Variants in TMC1 observed in about 807,000 individuals in gnomAD.
TMC1 encodes the protein transmembrane channel-like protein 1.
TMC1 carries 84 observed loss-of-function variants against 105.8 expected under a neutral mutation model. The observed-to-expected ratio is 0.79, with a 90% CI of 0.67 to 0.95. The LOEUF (loss-of-function observed/expected upper bound fraction) is 0.95. Ranked by LOEUF, TMC1 falls within the 40% of genes least tolerant of loss-of-function variation. TMC1 has a pLI of 0.00. For synonymous variants in TMC1, 315 were observed against 311.5 expected, an observed-to-expected ratio of 1.01 and a Z score of -0.12; for missense variants, 817 against 914.1, an observed-to-expected ratio of 0.89 and a Z score of 1.37.
Position 72,700,517 on chromosome 9 carries a change from GAGA to G in TMC1, c.247_249del (p.Glu83del), listed in dbSNP as rs376040866. 0.012 allele frequency: 18,914 copies of G among 1,588,288 alleles called. 157 individuals carry two copies. Among genetic ancestry groups the G allele is most frequent in the Middle Eastern group, 0.054 (320 of 5,912 alleles). On this transcript the variant is annotated inframe_deletion and splice_region_variant, in exon 8 of 24. Coordinates refer to ENST00000297784, the MANE Select transcript of TMC1 (RefSeq NM_138691.3). ...AAGGTGTTTCTTTTTTACTTTTAAA[GAGA>G]AGAAGAAGAAATTGATGAAGAGGAA...
chr9:72,789,842 C>T (rs947779876), intron 15 of TMC1, among the ~76,000 whole-genome samples: 4 of 152,162 alleles, frequency 2.6e-5, no homozygotes, highest in Non-Finnish European at 5.9e-5. Flanking sequence ...CATGTCTGGG[C>T]TTCCCTCTGT....
Position 72,805,447 on chromosome 9 carries a change from T to G in TMC1, c.1632T>G (p.Phe544Leu), listed in dbSNP as rs772378812. ...ACGTCACAATCCTCATTGGGGACTT[T>G]CTAAGGGCATGTTTTGTGAGGTTTT... is the stretch of plus-strand genomic sequence containing the variant. The part of the protein sequence containing the change: ...TTYVTILIGD[F>L]LRACFVRFCN... Residue 544 changes from phenylalanine to leucine, a missense_variant, in exon 18 of 24, where the codon TTT (phenylalanine) becomes TTG (leucine). By Grantham distance (22) the Phe-to-Leu change is conservative. Coordinates refer to ENST00000297784, the MANE Select transcript of TMC1 (RefSeq NM_138691.3). 6.2e-7 allele frequency: 1 copy of G among 1,614,066 alleles called. No individual in the cohort carries two copies. The highest frequency in any genetic ancestry group is 1.1e-5 in the South Asian group (1 of 91,078).
chr9:72,649,553 A>G (rs1409881796), intron 5 of TMC1, among the ~76,000 whole-genome samples: 1 of 152,144 alleles, frequency 6.6e-6, no homozygotes, highest in Non-Finnish European at 1.5e-5. Context: ...GCAGTACCCT[A>G]TTTAATATGC....
At chr9:72,672,651 A>G (rs1826140945) in intron 5 of TMC1, among the ~76,000 whole-genome samples, 1 of 152,124 alleles carries the variant, frequency 6.6e-6, no homozygotes, top group Non-Finnish European at 1.5e-5. Context: ...CCTTTTTCTG[A>G]ATAATTGATA....
intron 5 of TMC1, among the ~76,000 whole-genome samples, chr9:72,681,188 G>A (rs1038169458): frequency 6.6e-5 from 10 of 152,088 alleles, no homozygotes; most frequent in Non-Finnish European, 1.3e-4. Context: ...CTTATTTACA[G>A]TGGTTGCCCT....
In TMC1 at chr9:72,806,512, C is replaced by T. The variant is rs1377815351; in HGVS notation, c.1695+1002C>T. Among the ~76,000 whole-genome samples, 91 of 147,938 alleles carry T rather than the reference C, an allele frequency of 6.2e-4. 2 individuals carry two copies. The highest frequency in any genetic ancestry group is 1.9e-3 in the African/African-American group (74 of 39,358). The stretch of plus-strand genomic sequence containing the variant: ...GCTCCTCATTTCTCAGACGGGGCGG[C>T]TGCCGGGCGGAGGGGCTCCTCACTT... On this transcript the variant is annotated intron_variant, in intron 18 of 23. Transcript: ENST00000297784.
At chr9:72,730,193 A>T (rs901542429) in intron 8 of TMC1, among the ~76,000 whole-genome samples, 1 of 152,162 alleles carries the variant, frequency 6.6e-6, no homozygotes, top group Non-Finnish European at 1.5e-5. Flanking sequence ...TCTAGACAGA[A>T]AGGTAGAGAA....
intron 18 of TMC1, among the ~76,000 whole-genome samples, chr9:72,812,446 A>G (rs1200861503): frequency 1.3e-5 from 2 of 152,228 alleles, no homozygotes; most frequent in African/African-American, 4.8e-5. Context: ...ACAGGATCCT[A>G]TTCTCAACTA....
At chr9:72,795,437 C>T (rs1435120205) in intron 17 of TMC1, among the ~76,000 whole-genome samples, 1 of 152,164 alleles carries the variant, frequency 6.6e-6, no homozygotes, top group African/African-American at 2.4e-5. Context: ...ATTAGGCTAA[C>T]AGCAGATGTC....
intron 12 of TMC1, among the ~76,000 whole-genome samples, chr9:72,755,743 G>C (rs1827667766): frequency 6.6e-6 from 1 of 152,156 alleles, no homozygotes; most frequent in African/African-American, 2.4e-5. Context: ...TAGACAATGA[G>C]AATAAAATTT....
chr9:72,578,611 A>C (rs1824427353), intron 2 of TMC1, among the ~76,000 whole-genome samples: 1 of 152,102 alleles, frequency 6.6e-6, no homozygotes, highest in Non-Finnish European at 1.5e-5. Flanking sequence ...TTTTCTATGG[A>C]GTGTGTGTGC....
chr9:72,540,048 G>A (rs1823648174), intron 1 of TMC1, among the ~76,000 whole-genome samples: 1 of 151,972 alleles, frequency 6.6e-6, no homozygotes. Flanking sequence ...TTTAACAGAG[G>A]TACAGGCTTT....
At chr9:72,560,255 T>G (rs1459536368) in intron 1 of TMC1, among the ~76,000 whole-genome samples, 2 of 152,232 alleles carry the variant, frequency 1.3e-5, no homozygotes, top group African/African-American at 2.4e-5. Context: ...TATTGTTATT[T>G]ACTTCCCAAG....
At chr9:72,791,756 C>A in intron 15 of TMC1, 130 bp from the exon 16 acceptor site, 1 of 783,414 alleles carries the variant, frequency 1.3e-6, no homozygotes, top group Non-Finnish European at 2.2e-6. Flanking sequence ...TCTAAACGTG[C>A]ATAAAATAGT....
chr9:72,562,333 T>C (rs1049800282), intron 1 of TMC1, among the ~76,000 whole-genome samples: 2 of 152,254 alleles, frequency 1.3e-5, no homozygotes, highest in Non-Finnish European at 2.9e-5. Flanking sequence ...TGCTCAGTTA[T>C]ATGATCTGTT....
At chr9:72,825,980 G>T (rs1372430670) in intron 20 of TMC1, among the ~76,000 whole-genome samples, 1 of 152,098 alleles carries the variant, frequency 6.6e-6, no homozygotes, top group East Asian at 1.9e-4. Flanking sequence ...GCGTGTCATT[G>T]TTATTTAGTA....
chr9:72,790,662 T>A (rs1368987859), intron 15 of TMC1, among the ~76,000 whole-genome samples: 2 of 152,164 alleles, frequency 1.3e-5, no homozygotes, highest in Admixed American at 1.3e-4. Flanking sequence ...ACATATATTT[T>A]AGGGACCCTC....
At position 72,589,741 on chromosome 9, in the gene TMC1, G is replaced by T. The variant is rs142358435; in HGVS notation, c.-306+11718G>T. On this transcript the variant is annotated intron_variant, in intron 2 of 23. Coordinates refer to ENST00000297784, the MANE Select transcript of TMC1 (RefSeq NM_138691.3). The stretch of plus-strand genomic sequence containing the variant: ...TGTCTTTCTTGAGTCAATTCTAACA[G>T]CATTGGCTGTGGGTTATAAAACCAT... 2.2e-3 allele frequency among the ~76,000 whole-genome samples: 328 copies of T among 152,294 alleles called. 1 individual carries two copies. The highest frequency in any genetic ancestry group is 6.8e-3 in the Middle Eastern group (2 of 294).
chr9:72,831,441 A>T (rs1042221002), intron 23 of TMC1, among the ~76,000 whole-genome samples: 6 of 151,726 alleles, frequency 4.0e-5, no homozygotes, highest in Non-Finnish European at 7.4e-5. Flanking sequence ...ATATATATAT[A>T]TATTTTTTAA....
Sources: gnomAD v4.1 joint callset for allele counts (sites outside exome capture counted in the v4.1 genomes callset) on GRCh38, gnomAD v4.1.1 for gene constraint, MANE v1.5 for transcripts, NCBI Gene and HGNC (gene_info 2026-07-23, HGNC 2026-07-21) for gene names.